CYTH3: variants seen among roughly 807,000 people sequenced by gnomAD.
The protein encoded by CYTH3 is cytohesin-3.
CYTH3 carries 23 observed loss-of-function variants against 55.1 expected under a neutral mutation model. That is an observed-to-expected ratio of 0.42 (90% CI 0.30 to 0.59). CYTH3 has a LOEUF of 0.59. Ranked by LOEUF, CYTH3 falls within the 20% of genes least tolerant of loss-of-function variation. The pLI is 0.20. For missense variants in CYTH3, 413 were observed against 524.8 expected (o/e 0.79, Z 2.08); for synonymous variants, 249 against 194.9 (o/e 1.28, Z -2.31).
At chr7:6,249,969 T>C (rs1344507802) in intron 1 of CYTH3, among the ~76,000 whole-genome samples, 1 of 152,220 alleles carries the variant, frequency 6.6e-6, no homozygotes. Flanking sequence ...AATTTATTCA[T>C]CTTACAAATG....
chr7:6,227,444 G>A (rs979518881), intron 1 of CYTH3, among the ~76,000 whole-genome samples: 33 of 152,148 alleles, frequency 2.2e-4, no homozygotes, highest in African/African-American at 7.2e-4. Flanking sequence ...AAATTCAACA[G>A]CCCTTCCTGA....
At chr7:6,254,738 T>C (rs1156826637) in intron 1 of CYTH3, among the ~76,000 whole-genome samples, 3 of 152,164 alleles carry the variant, frequency 2.0e-5, no homozygotes, top group Admixed American at 1.3e-4. Context: ...GCGTGAGCCA[T>C]CGCACCTGCC....
intron 1 of CYTH3, among the ~76,000 whole-genome samples, chr7:6,195,250 T>C (rs1002386181): frequency 2.6e-5 from 4 of 152,218 alleles, no homozygotes; most frequent in Non-Finnish European, 5.9e-5. Flanking sequence ...GTTCAGCTTA[T>C]GATAAAGTAA....
At chr7:6,247,973 A>G (rs1221234863) in intron 1 of CYTH3, among the ~76,000 whole-genome samples, 1 of 151,842 alleles carries the variant, frequency 6.6e-6, no homozygotes, top group Non-Finnish European at 1.5e-5. Context: ...GCCTCATTTT[A>G]TAACTCTCTC....
intron 3 of CYTH3, 139 bp downstream of exon 3, chr7:6,187,518 G>C: frequency 6.5e-6 from 5 of 764,048 alleles, no homozygotes; most frequent in Admixed American, 3.9e-5. Context: ...CGCAGAGTAG[G>C]GGGAGAGGAG....
intron 1 of CYTH3, among the ~76,000 whole-genome samples, chr7:6,209,943 C>T (rs758876734): frequency 2.0e-5 from 3 of 152,070 alleles, no homozygotes; most frequent in Admixed American, 6.6e-5. Flanking sequence ...CAGTGGTTGC[C>T]AGGGGTTCAG....
chr7:6,167,441 C>G lies in CYTH3; in HGVS notation c.824-1631G>C, dbSNP rs1302365178. The stretch of plus-strand genomic sequence containing the variant: ...ATCAGCTGACAGCAACTCCACTACC[C>G]TGACATCCGTCACTGTCACGGTCGC... On this transcript the variant is annotated intron_variant, in intron 9 of 12. Coordinates refer to ENST00000350796, the MANE Select transcript of CYTH3 (RefSeq NM_004227.4). This position sits in a 1 kb window ranked among gnomAD's most constrained non-coding sequence, Gnocchi z 5.5. 6.6e-6 allele frequency among the ~76,000 whole-genome samples: 1 copy of G among 152,260 alleles called. No homozygotes were observed. Among genetic ancestry groups the G allele is most frequent in the African/African-American group, 2.4e-5 (1 of 41,466 alleles).
At chr7:6,265,733 C>A (rs1780476085) in intron 1 of CYTH3, among the ~76,000 whole-genome samples, 1 of 151,968 alleles carries the variant, frequency 6.6e-6, no homozygotes, top group Admixed American at 6.6e-5. Flanking sequence ...GAGGAAAGAG[C>A]AAACTTTCAG....
chr7:6,220,414 G>T (rs775002341), intron 1 of CYTH3, among the ~76,000 whole-genome samples: 6 of 151,860 alleles, frequency 4.0e-5, no homozygotes, highest in African/African-American at 1.5e-4. Context: ...CTTTGAGAGC[G>T]AAGGCTTAGT....
intron 1 of CYTH3, among the ~76,000 whole-genome samples, chr7:6,202,457 GTTTTTTTTTT>G (rs34849107): frequency 2.4e-5 from 3 of 126,514 alleles, no homozygotes; most frequent in Admixed American, 8.0e-5. Flanking sequence ...GCCATTGCTA[GTTTTTTTTTT>G]TTTTTTTTTT....
intron 1 of CYTH3, among the ~76,000 whole-genome samples, chr7:6,257,342 C>CA (rs1354292056): frequency 1.3e-5 from 2 of 152,164 alleles, no homozygotes; most frequent in Non-Finnish European, 2.9e-5. Context: ...TTTCTCAACT[C>CA]AAAAAAATTT....
intron 4 of CYTH3, among the ~76,000 whole-genome samples, chr7:6,179,847 CCA>C (rs1783456414): frequency 8.5e-6 from 1 of 117,336 alleles, no homozygotes; most frequent in Non-Finnish European, 1.8e-5. Context: ...ATACACCACA[CCA>C]CAGACACACC....
At chr7:6,254,720 G>A (rs1780056871) in intron 1 of CYTH3, among the ~76,000 whole-genome samples, 1 of 152,208 alleles carries the variant, frequency 6.6e-6, no homozygotes, top group African/African-American at 2.4e-5. Flanking sequence ...AAAGTGCTGG[G>A]ATTATAGGCG....
At chr7:6,194,654 T>G (rs1783877618) in intron 1 of CYTH3, among the ~76,000 whole-genome samples, 1 of 152,122 alleles carries the variant, frequency 6.6e-6, no homozygotes, top group Non-Finnish European at 1.5e-5. Flanking sequence ...TATGTACCAA[T>G]AACATCAAAG....
rs2128535019 is a variant in CYTH3 at position 6,164,790 on chromosome 7, G to A, written c.*154C>T. On this transcript the variant is annotated 3_prime_UTR_variant, in exon 13 of 13. Transcript: ENST00000350796. Reference sequence around the variant, plus strand: ...CCCAGGACCCCAGCCACGGCACGAGGCCTTGGGGATACCACCTGGGCCACG... The same window carrying A: ...CCCAGGACCCCAGCCACGGCACGAGACCTTGGGGATACCACCTGGGCCACG... 1.2e-6 allele frequency: 1 copy of A among 826,516 alleles called. No homozygotes were observed. Among genetic ancestry groups the A allele is most frequent in the Non-Finnish European group, 2.0e-6 (1 of 498,358 alleles). The allele number at this position is 826,516 out of a possible 1,614,324, so 51.2% of individuals were successfully genotyped here.
intron 5 of CYTH3, 97 bp downstream of exon 5, chr7:6,177,726 T>G: frequency 1.0e-6 from 1 of 970,046 alleles, no homozygotes; most frequent in Non-Finnish European, 1.6e-6. Flanking sequence ...CTATCATGCC[T>G]TTAGGCTGTG....
chr7:6,207,898 C>T (rs1049461694), intron 1 of CYTH3, among the ~76,000 whole-genome samples: 5 of 142,004 alleles, frequency 3.5e-5, no homozygotes, highest in Non-Finnish European at 6.1e-5. Flanking sequence ...TGCAATGAGC[C>T]GAGATCATGC....
intron 4 of CYTH3, among the ~76,000 whole-genome samples, chr7:6,181,912 T>C (rs1269122430): frequency 6.6e-6 from 1 of 152,220 alleles, no homozygotes; most frequent in Non-Finnish European, 1.5e-5. Context: ...TCCAAGGTTC[T>C]TTTTCACAAT....
At position 6,164,857 on chromosome 7, in the gene CYTH3, T is replaced by C; in HGVS notation, c.*87A>G. 6.9e-7 allele frequency: 1 copy of C among 1,448,106 alleles called. No individual in the cohort carries two copies. The highest frequency in any genetic ancestry group is 9.7e-7 in the Non-Finnish European group (1 of 1,032,120). The allele number at this position is 1,448,106 out of a possible 1,614,324, so 89.7% of individuals were successfully genotyped here. ...CAGCTTGCACCGCAGGGCGACTGCC[T>C]CCCTGCCACGCCTTCCGCGGAGGGG... On this transcript the variant is annotated 3_prime_UTR_variant, in exon 13 of 13. Coordinates refer to ENST00000350796, the MANE Select transcript of CYTH3 (RefSeq NM_004227.4).
Sources: gnomAD v4.1 joint callset for allele counts (sites outside exome capture counted in the v4.1 genomes callset) on GRCh38, gnomAD v4.1.1 for gene constraint, Gnocchi (gnomAD v3.1) non-coding constraint, MANE v1.5 for transcripts, NCBI Gene and HGNC (gene_info 2026-07-23, HGNC 2026-07-21) for gene names.